The following GNB1L variants were observed in gnomAD, a reference collection of about 807,000 sequenced individuals.
GNB1L encodes the protein guanine nucleotide-binding protein subunit beta-like protein 1.
A neutral mutation model predicts 29.1 loss-of-function variants in GNB1L; 20 were observed. That is an observed-to-expected ratio of 0.69 (90% CI 0.48 to 1.00). The LOEUF (loss-of-function observed/expected upper bound fraction) is 1.00. Ranked by LOEUF, GNB1L falls within the 50% of genes least tolerant of loss-of-function variation. The pLI is 0.00. For missense variants in GNB1L, 421 were observed against 464.9 expected (o/e 0.91, Z 0.87); for synonymous variants, 193 against 206.5 (o/e 0.93, Z 0.56).
intron 5 of GNB1L, among the ~76,000 whole-genome samples, chr22:19,810,750 T>C (rs572449760): frequency 3.9e-4 from 60 of 152,274 alleles, no homozygotes; most frequent in African/African-American, 6.0e-4. Flanking sequence ...TGCAGGCCAG[T>C]GAGGCTTTCT....
At chr22:19,805,508 CG>C (rs1937423247) in intron 6 of GNB1L, among the ~76,000 whole-genome samples, 1 of 151,324 alleles carries the variant, frequency 6.6e-6, no homozygotes, top group East Asian at 2.0e-4. Flanking sequence ...CTGGGCCGGG[CG>C]CGGTGGCTCA....
At chr22:19,818,623 C>T (rs1471938757) in intron 4 of GNB1L, among the ~76,000 whole-genome samples, 6 of 152,242 alleles carry the variant, frequency 3.9e-5, no homozygotes. Context: ...GGGGGCCAGA[C>T]AGGCCTCATT....
chr22:19,821,867 T>C (rs527383407), intron 2 of GNB1L, among the ~76,000 whole-genome samples: 163 of 152,342 alleles, frequency 1.1e-3, no homozygotes, highest in African/African-American at 3.8e-3. Context: ...ATGCCGGGAC[T>C]GCCGGTCCTG....
chr22:19,816,878 C>T lies in GNB1L; in HGVS notation c.254+3720G>A, dbSNP rs1744659324. Among the ~76,000 whole-genome samples the T allele has an allele frequency of 6.6e-6, 1 of 152,188 alleles. No homozygotes were observed. The highest frequency in any genetic ancestry group is 2.4e-5 in the African/African-American group (1 of 41,436). On this transcript the variant is annotated intron_variant, in intron 4 of 7. Transcript: ENST00000329517. The surrounding 1 kb of genome is among the most constrained non-coding windows in gnomAD (Gnocchi z 4.4). The stretch of plus-strand genomic sequence containing the variant: ...TCCTGGCCTCCCAGGCTGCCGCTGC[C>T]ACACCACCCCCCCAACCCTGCTTCT...
At chr22:19,831,884 C>T (rs1937686046) in intron 2 of GNB1L, among the ~76,000 whole-genome samples, 2 of 151,982 alleles carry the variant, frequency 1.3e-5, no homozygotes, top group Admixed American at 1.3e-4. Flanking sequence ...GCCCATTAAA[C>T]ACATGAAAAG....
intron 6 of GNB1L, among the ~76,000 whole-genome samples, chr22:19,804,606 C>T (rs913504088): frequency 2.6e-5 from 4 of 151,430 alleles, no homozygotes; most frequent in Non-Finnish European, 2.9e-5. Flanking sequence ...AAAAAGAAAA[C>T]CCTCAATGTT....
chr22:19,850,921 A>T, intron 2 of GNB1L: 1 of 1,363,174 alleles, frequency 7.3e-7, no homozygotes, highest in Non-Finnish European at 9.4e-7. Context: ...GCACTCCCAG[A>T]AGACGGGCAG....
Position 19,784,512 on chromosome 22 carries a change from G to A in GNB1L, c.*4197C>T, listed in dbSNP as rs1028129535. 1 of 152,336 alleles carries A rather than the reference G, an allele frequency of 6.6e-6. No individual in the cohort carries two copies. The highest frequency in any genetic ancestry group is 2.4e-5 in the African/African-American group (1 of 41,458). The allele number at this position is 152,336 out of a possible 1,614,324, so 9.4% of individuals were successfully genotyped here. ...GTAACACGCAGGGAGGAAGGAAAAG[G>A]CTCTAGGCACAGCTGCTTGTCTAAG... On this transcript the variant is annotated 3_prime_UTR_variant, in exon 8 of 8. Coordinates refer to ENST00000329517, the MANE Select transcript of GNB1L (RefSeq NM_053004.3).
chr22:19,837,460 C>A (rs1424869755), intron 2 of GNB1L, among the ~76,000 whole-genome samples: 1 of 152,140 alleles, frequency 6.6e-6, no homozygotes, highest in Non-Finnish European at 1.5e-5. Context: ...AGAAGATATG[C>A]AAATGGCAAA....
At chr22:19,851,509 T>G (rs779045629) in intron 2 of GNB1L, 1 of 1,614,090 alleles carries the variant, frequency 6.2e-7, no homozygotes, top group African/African-American at 1.3e-5. Context: ...ACAGAGCACT[T>G]CTAGATACAG....
At position 19,792,703 on chromosome 22, in the gene GNB1L, G is replaced by A. The variant is rs527880249; in HGVS notation, c.733-3743C>T. ...CCCACCAAGAGACCACCTGTCCTTC[G>A]AGCAGGAGTTAACATCGTCACCACC... On this transcript the variant is annotated intron_variant, in intron 7 of 7. Coordinates refer to ENST00000329517, the MANE Select transcript of GNB1L (RefSeq NM_053004.3). The A allele has an allele frequency of 3.0e-5, 44 of 1,474,288 alleles. No individual in the cohort carries two copies. The East Asian group carries it at 6.7e-4, about 22-fold the overall frequency. The allele number at this position is 1,474,288 out of a possible 1,614,324, so 91.3% of individuals were successfully genotyped here.
At chr22:19,801,720 G>C (rs1044156333) in intron 7 of GNB1L, among the ~76,000 whole-genome samples, 1 of 151,844 alleles carries the variant, frequency 6.6e-6, no homozygotes, top group Non-Finnish European at 1.5e-5. Context: ...TTCACAAAGG[G>C]GTTTGAGTAT....
Position 19,806,673 on chromosome 22 carries a change from G to A in GNB1L, c.502C>T (p.Leu168=), listed in dbSNP as rs755618809. 1 of 1,611,376 alleles carries A rather than the reference G, an allele frequency of 6.2e-7. No homozygotes were observed. Among genetic ancestry groups the A allele is most frequent in the South Asian group, 1.1e-5 (1 of 90,974 alleles). ...ADAKLGMPMC[L]RLWQADCSSR... ...CGGGGCCTTACCTGCCACAGCCGCA[G>A]GCACATGGGCATGCCCAGCTTGGCA... The change falls in exon 6 of 8, where the codon CTG becomes TTG. Residue 168 remains leucine, a synonymous_variant. Transcript: ENST00000329517.
At chr22:19,791,599 A>C (rs1436415632) in intron 7 of GNB1L, among the ~76,000 whole-genome samples, 1 of 152,214 alleles carries the variant, frequency 6.6e-6, no homozygotes, top group Non-Finnish European at 1.5e-5. Context: ...AAAGGAACAG[A>C]GGGAGCTGAA....
chr22:19,850,657 C>T, intron 2 of GNB1L: 3 of 1,228,516 alleles, frequency 2.4e-6, no homozygotes, highest in East Asian at 3.2e-5. Context: ...CTCCAGGCAG[C>T]CTTCCTCACA....
intron 5 of GNB1L, among the ~76,000 whole-genome samples, chr22:19,811,447 C>G (rs1399911519): frequency 2.6e-5 from 4 of 152,114 alleles, no homozygotes; most frequent in African/African-American, 9.7e-5. Flanking sequence ...GTGGGACAGT[C>G]GCCACTCAAA....
intron 7 of GNB1L, among the ~76,000 whole-genome samples, chr22:19,790,115 G>A (rs1391000448): frequency 6.6e-6 from 1 of 152,192 alleles, no homozygotes; most frequent in African/African-American, 2.4e-5. Flanking sequence ...AGAGAATCCT[G>A]CACCCATAAG....
intron 2 of GNB1L, chr22:19,846,639 G>A: frequency 2.4e-6 from 2 of 820,224 alleles, no homozygotes; most frequent in Non-Finnish European, 2.9e-6. Flanking sequence ...ACTTACATTT[G>A]AAGACAGGGT....
chr22:19,839,252 G>A (rs551352342), intron 2 of GNB1L, among the ~76,000 whole-genome samples: 4 of 152,104 alleles, frequency 2.6e-5, no homozygotes, highest in East Asian at 1.9e-4. Context: ...CACTGTAAGC[G>A]CACACAATAA....
Sources: gnomAD v4.1 joint callset for allele counts (sites outside exome capture counted in the v4.1 genomes callset) on GRCh38, gnomAD v4.1.1 for gene constraint, Gnocchi (gnomAD v3.1) non-coding constraint, MANE v1.5 for transcripts, NCBI Gene and HGNC (gene_info 2026-07-23, HGNC 2026-07-21) for gene names.